The following PCDHGB7 variants were observed in gnomAD, a reference collection of about 807,000 sequenced individuals.
PCDHGB7 encodes the protein protocadherin gamma subfamily B, 7, also known as protocadherin gamma-B7.
In PCDHGB7, 37 loss-of-function variants were observed where a neutral mutation model predicts 61.4. The ratio of observed to expected loss-of-function variants is 0.60; its 90% CI spans 0.46 to 0.79. The LOEUF (loss-of-function observed/expected upper bound fraction) is 0.79. Ranked by LOEUF, PCDHGB7 falls within the 30% of genes least tolerant of loss-of-function variation. The probability of loss-of-function intolerance (pLI) is 0.00; values close to 1 mark genes in which losing one functional copy is unlikely to be tolerated. For synonymous variants in PCDHGB7, 464 were observed against 503.5 expected (o/e 0.92, Z 1.05); for missense variants, 1,166 against 1,202.5 (o/e 0.97, Z 0.45).
intron 1 of PCDHGB7, among the ~76,000 whole-genome samples, chr5:141,492,670 C>T (rs567661944): frequency 6.6e-6 from 1 of 152,344 alleles, no homozygotes; most frequent in South Asian, 2.1e-4. Context: ...CCCGGGACTC[C>T]GTCTCAAGGG....
Position 141,417,690 on chromosome 5 carries a change from A to T in PCDHGB7, c.-170A>T. On this transcript the variant is annotated 5_prime_UTR_variant, in exon 1 of 4. Transcript: ENST00000398594. ...TGCGCAGCCAACAACAGAAAAGAAA[A>T]CCAGCTCCCACACAGAGGCTCCCGG... is the stretch of plus-strand genomic sequence containing the variant. 9.3e-7 allele frequency: 1 copy of T among 1,077,126 alleles called. No individual in the cohort carries two copies. The highest frequency in any genetic ancestry group is 2.6e-5 in the East Asian group (1 of 37,744). The allele number at this position is 1,077,126 out of a possible 1,614,324, so 66.7% of individuals were successfully genotyped here.
chr5:141,474,019 A>G (rs923131322), intron 1 of PCDHGB7, among the ~76,000 whole-genome samples: 4 of 152,134 alleles, frequency 2.6e-5, no homozygotes, highest in Non-Finnish European at 4.4e-5. Flanking sequence ...ACAGTGAGCT[A>G]TGATTATTCC....
At chr5:141,443,683 A>C (rs1358937790) in intron 1 of PCDHGB7, among the ~76,000 whole-genome samples, 1 of 152,248 alleles carries the variant, frequency 6.6e-6, no homozygotes, top group Admixed American at 6.5e-5. Flanking sequence ...GTTTACAAAC[A>C]CTTCAAAAAT....
At chr5:141,454,796 ATTTTTTT>A (rs61612330) in intron 1 of PCDHGB7, among the ~76,000 whole-genome samples, 2,943 of 77,244 alleles carry the variant, frequency 0.038, 52 homozygotes, top group African/African-American at 0.09. Context: ...CATGGTTCTA[ATTTTTTT>A]TTTTTTTTTT....
rs1018384314 is a variant in PCDHGB7 at position 141,490,427 on chromosome 5, A to G, written c.2416-4380A>G. On this transcript the variant is annotated intron_variant, in intron 1 of 3. Coordinates refer to ENST00000398594, the MANE Select transcript of PCDHGB7 (RefSeq NM_018927.4). This position sits in a 1 kb window ranked among gnomAD's most constrained non-coding sequence, Gnocchi z 5.4. ...GATATCTCTCCGGACCTGCCATTTCAGATTAAGCCTTCTGAGAACCACTAC... is the reference window on the plus strand; with the variant it reads ...GATATCTCTCCGGACCTGCCATTTCGGATTAAGCCTTCTGAGAACCACTAC... 6.2e-7 allele frequency: 1 copy of G among 1,614,092 alleles called. No individual in the cohort carries two copies.
rs1264017483 is a variant in PCDHGB7 at position 141,477,989 on chromosome 5, A to G, written c.2416-16818A>G. The G allele has an allele frequency of 5.6e-6, 9 of 1,614,086 alleles. No individual in the cohort carries two copies. The highest frequency in any genetic ancestry group is 1.6e-4 in the Middle Eastern group (1 of 6,062). On this transcript the variant is annotated intron_variant, in intron 1 of 3. Coordinates refer to ENST00000398594, the MANE Select transcript of PCDHGB7 (RefSeq NM_018927.4). The surrounding 1 kb of genome is among the most constrained non-coding windows in gnomAD (Gnocchi z 4.9). ...GAGCCTTTTTGCCATAGGGCTGCACACTGGTCAAATCAGTACTGCCCGTCC... is the reference window on the plus strand; with the variant it reads ...GAGCCTTTTTGCCATAGGGCTGCACGCTGGTCAAATCAGTACTGCCCGTCC...
At chr5:141,482,667 G>C (rs2099569914) in intron 1 of PCDHGB7, among the ~76,000 whole-genome samples, 1 of 151,094 alleles carries the variant, frequency 6.6e-6, no homozygotes, top group Admixed American at 6.6e-5. Context: ...ATGATCTAAA[G>C]GTTGAGTAGT....
At chr5:141,422,415 A>C (rs1330043187) in intron 1 of PCDHGB7, 1 of 1,604,786 alleles carries the variant, frequency 6.2e-7, no homozygotes, top group Admixed American at 1.7e-5. Flanking sequence ...TTAAATTAGA[A>C]AAGACTTATG....
chr5:141,469,565 C>T (rs1410607165), intron 1 of PCDHGB7, among the ~76,000 whole-genome samples: 1 of 152,082 alleles, frequency 6.6e-6, no homozygotes, highest in East Asian at 1.9e-4. Context: ...CAGAGTGAGA[C>T]TCTGTCTCTA....
Position 141,422,436 on chromosome 5 carries a change from C to T in PCDHGB7, c.2415+2162C>T, listed in dbSNP as rs200737047. The T allele has an allele frequency of 1.2e-5, 20 of 1,609,634 alleles. No homozygotes were observed. The East Asian group carries it at 4.0e-4, about 32-fold the overall frequency. On this transcript the variant is annotated intron_variant, in intron 1 of 3. Coordinates refer to ENST00000398594, the MANE Select transcript of PCDHGB7 (RefSeq NM_018927.4). The stretch of plus-strand genomic sequence containing the variant: ...TAGAAAAGACTTATGGAAATTATTA[C>T]AAATTGATAACAAGCAGAGTGCTGG...
chr5:141,497,239 G>A (rs2099775226), intron 2 of PCDHGB7, among the ~76,000 whole-genome samples: 1 of 152,104 alleles, frequency 6.6e-6, no homozygotes, highest in Admixed American at 6.5e-5. Flanking sequence ...AAGGCTTCTA[G>A]GAGGAGGTGA....
In PCDHGB7 at chr5:141,485,275, G is replaced by C. The variant is rs77402299; in HGVS notation, c.2416-9532G>C. ...ACGTTTGTGGGCAGATCCGCTACCC[G>C]GTCCCAGAGGAGTCACAGGAAGGGA... On this transcript the variant is annotated intron_variant, in intron 1 of 3. Transcript: ENST00000398594. The surrounding 1 kb of genome is among the most constrained non-coding windows in gnomAD (Gnocchi z 5.7). The C allele has an allele frequency of 2.5e-6, 4 of 1,614,072 alleles. No individual in the cohort carries two copies. Among genetic ancestry groups the C allele is most frequent in the Admixed American group, 1.7e-5 (1 of 60,024 alleles).
At position 141,489,651 on chromosome 5, in the gene PCDHGB7, G is replaced by A; in HGVS notation, c.2416-5156G>A. 6.2e-7 allele frequency: 1 copy of A among 1,614,186 alleles called. No individual in the cohort carries two copies. Among genetic ancestry groups the A allele is most frequent in the Non-Finnish European group, 8.5e-7 (1 of 1,180,032 alleles). ...ACTCTCCTAGCTTTGCCACCCCTGA[G>A]CGAGAGATGCGCATCTCAGAATCAG... On this transcript the variant is annotated intron_variant, in intron 1 of 3. Coordinates refer to ENST00000398594, the MANE Select transcript of PCDHGB7 (RefSeq NM_018927.4). The surrounding 1 kb of genome is among the most constrained non-coding windows in gnomAD (Gnocchi z 4.5).
chr5:141,420,275 G>T lies in PCDHGB7; in HGVS notation c.2415+1G>T. On this transcript the variant is annotated splice_donor_variant, in intron 1 of 3. Coordinates refer to ENST00000398594, the MANE Select transcript of PCDHGB7 (RefSeq NM_018927.4). LOFTEE classifies it high-confidence loss of function. ...AGCAGATAAGAAGATTCTTAAACAG[G>T]TAAGTATTTAAAAATGTATTTAATC... is the stretch of plus-strand genomic sequence containing the variant. 1 of 1,524,576 alleles carries T rather than the reference G, an allele frequency of 6.6e-7. No homozygotes were observed. The highest frequency in any genetic ancestry group is 8.9e-7 in the Non-Finnish European group (1 of 1,129,234). The allele number at this position is 1,524,576 out of a possible 1,614,324, so 94.4% of individuals were successfully genotyped here.
intron 3 of PCDHGB7, among the ~76,000 whole-genome samples, chr5:141,506,402 G>A (rs1032556978): frequency 2.8e-5 from 4 of 143,790 alleles, no homozygotes; most frequent in East Asian, 2.0e-4. Flanking sequence ...GCAGAAAATC[G>A]CACCACTGCA....
At chr5:141,430,642 A>C in intron 1 of PCDHGB7, 2 of 918,498 alleles carry the variant, frequency 2.2e-6, no homozygotes, top group South Asian at 5.1e-5. Flanking sequence ...CCCTGGGAGT[A>C]TGTGGAAACA....
chr5:141,422,874 G>C (rs763219526), intron 1 of PCDHGB7: 56 of 1,614,134 alleles, frequency 3.5e-5, no homozygotes, highest in Non-Finnish European at 1.0e-5. Flanking sequence ...ACGTGTCGCT[G>C]AGCCTGTTCG....
At position 141,419,842 on chromosome 5, in the gene PCDHGB7, C is replaced by A; in HGVS notation, c.1983C>A (p.His661Gln). 1 of 1,614,074 alleles carries A rather than the reference C, an allele frequency of 6.2e-7. No homozygotes were observed. The highest frequency in any genetic ancestry group is 1.1e-5 in the South Asian group (1 of 91,088). The change falls in exon 1 of 4, where the codon CAC (histidine) becomes CAA (glutamine). Residue 661 changes from histidine (H) to glutamine (Q), a missense_variant. Transcript: ENST00000398594. ...QPPLSATATLHLVFADSLQEV... is the reference protein window; with the variant it reads ...QPPLSATATLQLVFADSLQEV... ...CCCTTTCAGCCACTGCCACGCTGCA[C>A]CTGGTGTTCGCAGATAGCTTGCAAG...
intron 2 of PCDHGB7, among the ~76,000 whole-genome samples, chr5:141,495,725 C>G (rs1339925752): frequency 1.3e-5 from 2 of 151,986 alleles, no homozygotes; most frequent in African/African-American, 4.8e-5. Flanking sequence ...TACACGGGAC[C>G]CTTAGTCTCT....
Sources: gnomAD v4.1 joint callset for allele counts (sites outside exome capture counted in the v4.1 genomes callset) on GRCh38, gnomAD v4.1.1 for gene constraint, Gnocchi (gnomAD v3.1) non-coding constraint, MANE v1.5 for transcripts, NCBI Gene and HGNC (gene_info 2026-07-23, HGNC 2026-07-21) for gene names.